The following LMBRD1 variants were observed in gnomAD, a reference collection of about 807,000 sequenced individuals.
LMBRD1 encodes the protein lysosomal cobalamin transport escort protein LMBD1.
A neutral mutation model predicts 74.8 loss-of-function variants in LMBRD1; 64 were observed. That is an observed-to-expected ratio of 0.86 (90% CI 0.70 to 1.05). The LOEUF (loss-of-function observed/expected upper bound fraction) is 1.05. LMBRD1 is among the 50% of genes least tolerant of loss of function. The pLI is 0.00. For missense variants in LMBRD1, 652 were observed against 645.9 expected (o/e 1.01, Z -0.10); for synonymous variants, 204 against 216.3 (o/e 0.94, Z 0.50).
At chr6:69,777,889 CAGG>C (rs1018643422) in intron 3 of LMBRD1, among the ~76,000 whole-genome samples, 2 of 152,112 alleles carry the variant, frequency 1.3e-5, no homozygotes, top group Non-Finnish European at 2.9e-5. Context: ...CCTCAAAATC[CAGG>C]AGAAGACAAA....
At chr6:69,724,348 TAAAA>T in intron 7 of LMBRD1, among the ~76,000 whole-genome samples, 1 of 122,146 alleles carries the variant, frequency 8.2e-6, no homozygotes, top group African/African-American at 2.9e-5. Context: ...AAGACACATT[TAAAA>T]AAAAAAAAAA....
intron 14 of LMBRD1, among the ~76,000 whole-genome samples, chr6:69,691,961 G>C (rs1271644903): frequency 6.6e-6 from 1 of 151,152 alleles, no homozygotes; most frequent in East Asian, 1.9e-4. Context: ...TCTTGATGAT[G>C]GCCTTTTTTA....
At chr6:69,764,592 T>C (rs1033473653) in intron 3 of LMBRD1, among the ~76,000 whole-genome samples, 1 of 152,242 alleles carries the variant, frequency 6.6e-6, no homozygotes, top group Non-Finnish European at 1.5e-5. Context: ...ATGTTGAAGA[T>C]CTTTCTATGG....
At chr6:69,695,058 T>C (rs1765964371) in intron 14 of LMBRD1, among the ~76,000 whole-genome samples, 1 of 152,146 alleles carries the variant, frequency 6.6e-6, no homozygotes, top group African/African-American at 2.4e-5. Context: ...GCCATATCCT[T>C]GCTTCCTTCT....
At chr6:69,702,956 T>C (rs1266634884) in intron 9 of LMBRD1, among the ~76,000 whole-genome samples, 3 of 151,944 alleles carry the variant, frequency 2.0e-5, no homozygotes, top group Non-Finnish European at 2.9e-5. Flanking sequence ...GAAAAGATGA[T>C]TTTTGGAAGT....
chr6:69,700,962 C>T (rs1052499138), intron 11 of LMBRD1, 93 bp from the exon 12 acceptor site: 38 of 874,960 alleles, frequency 4.3e-5, no homozygotes, highest in Admixed American at 1.5e-4. Flanking sequence ...TATTCTCATC[C>T]GGCAAATGTT....
Position 69,780,561 on chromosome 6 carries a change from T to A in LMBRD1, c.247-7A>T, listed in dbSNP as rs534467618. 4 of 1,599,340 alleles carry A rather than the reference T, an allele frequency of 2.5e-6. No homozygotes were observed. The South Asian group carries it at 4.4e-5, about 18-fold the overall frequency. On this transcript the variant is annotated splice_region_variant and splice_polypyrimidine_tract_variant and intron_variant, in intron 2 of 15. Transcript: ENST00000649934. ...CATTAGCATTAGCCCAGTCCTAGGA[T>A]AAAAGGAAACAATAGAAATATTAAT...
chr6:69,685,714 T>C (rs970643796), intron 14 of LMBRD1, among the ~76,000 whole-genome samples: 1 of 152,080 alleles, frequency 6.6e-6, no homozygotes, highest in African/African-American at 2.4e-5. Context: ...GGCAGGAGAA[T>C]TGTTGGAACC....
At chr6:69,718,482 C>T (rs1049033606) in intron 8 of LMBRD1, among the ~76,000 whole-genome samples, 1 of 152,056 alleles carries the variant, frequency 6.6e-6, no homozygotes. Context: ...CATTCTTATG[C>T]TGCTATAAAG....
intron 9 of LMBRD1, among the ~76,000 whole-genome samples, chr6:69,705,015 T>C (rs1436108461): frequency 2.0e-5 from 3 of 152,004 alleles, no homozygotes; most frequent in Non-Finnish European, 2.9e-5. Context: ...TATTTTTGTC[T>C]CCCCACCATT....
chr6:69,677,335 A>G (rs926254425), intron 14 of LMBRD1, among the ~76,000 whole-genome samples: 12 of 152,194 alleles, frequency 7.9e-5, no homozygotes, highest in African/African-American at 2.9e-4. Context: ...ACCTACTATT[A>G]GACAAGGTAG....
chr6:69,708,795 G>T (rs1766318198), intron 9 of LMBRD1, among the ~76,000 whole-genome samples: 1 of 152,100 alleles, frequency 6.6e-6, no homozygotes, highest in Non-Finnish European at 1.5e-5. Flanking sequence ...TTTTGAGATA[G>T]AACATAACTT....
At chr6:69,757,667 T>C (rs1011681489) in intron 3 of LMBRD1, among the ~76,000 whole-genome samples, 1 of 152,298 alleles carries the variant, frequency 6.6e-6, no homozygotes, top group South Asian at 2.1e-4. Context: ...GGAAAAAATA[T>C]TGCTGCCTCC....
At chr6:69,737,113 T>C (rs1766993304) in intron 7 of LMBRD1, among the ~76,000 whole-genome samples, 1 of 152,168 alleles carries the variant, frequency 6.6e-6, no homozygotes, top group South Asian at 2.1e-4. Flanking sequence ...ATTTCCTTTA[T>C]GTCTAAAGGA....
At chr6:69,749,230 T>G in intron 5 of LMBRD1, 111 bp downstream of exon 5, 2 of 861,954 alleles carry the variant, frequency 2.3e-6, no homozygotes, top group Non-Finnish European at 3.7e-6. Context: ...GGATTGTTCT[T>G]TTTTCTTACA....
At chr6:69,774,198 T>C (rs893189481) in intron 3 of LMBRD1, among the ~76,000 whole-genome samples, 3 of 152,180 alleles carry the variant, frequency 2.0e-5, no homozygotes, top group African/African-American at 7.2e-5. Flanking sequence ...TGGTTTTACA[T>C]AAAGGGGAGT....
At position 69,706,489 on chromosome 6, in the gene LMBRD1, T is replaced by G. The variant is rs868033770; in HGVS notation, c.916-4536A>C. Among the ~76,000 whole-genome samples the G allele has an allele frequency of 2.2e-4, 34 of 152,322 alleles. 1 individual carries two copies. Among genetic ancestry groups the G allele is most frequent in the African/African-American group, 7.7e-4 (32 of 41,584 alleles). Reference sequence around the variant, plus strand: ...AATATATCTACTGTTTGAAACTTCCTGATACTTTCTTCAGGATACAATTAA... The same window carrying G: ...AATATATCTACTGTTTGAAACTTCCGGATACTTTCTTCAGGATACAATTAA... On this transcript the variant is annotated intron_variant, in intron 9 of 15. Coordinates refer to ENST00000649934, the MANE Select transcript of LMBRD1 (RefSeq NM_018368.4).
chr6:69,721,265 A>G (rs1181245249), intron 7 of LMBRD1, among the ~76,000 whole-genome samples: 1 of 152,198 alleles, frequency 6.6e-6, no homozygotes, highest in African/African-American at 2.4e-5. Context: ...CAGCTAAGGG[A>G]GTGCTTGCAC....
chr6:69,705,341 C>T, intron 9 of LMBRD1: 1 of 778,116 alleles, frequency 1.3e-6, no homozygotes, highest in South Asian at 1.3e-5. Context: ...GGTCAGTCAT[C>T]CGGAAGCAAT....
Sources: gnomAD v4.1 joint callset for allele counts (sites outside exome capture counted in the v4.1 genomes callset) on GRCh38, gnomAD v4.1.1 for gene constraint, MANE v1.5 for transcripts, NCBI Gene and HGNC (gene_info 2026-07-23, HGNC 2026-07-21) for gene names.